The following CRTAC1 variants were observed in gnomAD, a reference collection of about 807,000 sequenced individuals.
CRTAC1 encodes cartilage acidic protein 1.
Under a neutral mutation model 67.8 loss-of-function variants are expected in CRTAC1, and 37 were observed. That is an observed-to-expected ratio of 0.55 (90% CI 0.42 to 0.72). The LOEUF is 0.72. CRTAC1 is among the 30% of genes least tolerant of loss of function. The pLI, the probability that CRTAC1 is intolerant of heterozygous loss-of-function variation, is 0.00. For synonymous variants in CRTAC1, 348 were observed against 371.0 expected (o/e 0.94, Z 0.71); for missense variants, 780 against 931.6 (o/e 0.84, Z 2.12).
intron 2 of CRTAC1, among the ~76,000 whole-genome samples, chr10:97,948,574 G>A (rs896589506): frequency 3.0e-4 from 46 of 152,336 alleles, no homozygotes; most frequent in African/African-American, 1.1e-3. Flanking sequence ...AGGCATCTAG[G>A]CAGGGTGTGC....
chr10:97,911,387 T>C (rs1211969167), intron 5 of CRTAC1, among the ~76,000 whole-genome samples: 1 of 152,252 alleles, frequency 6.6e-6, no homozygotes, highest in East Asian at 1.9e-4. Flanking sequence ...TTGTAACCTG[T>C]AATTACTAGA....
chr10:97,886,073 G>T (rs1319181228), intron 11 of CRTAC1, among the ~76,000 whole-genome samples: 2 of 152,186 alleles, frequency 1.3e-5, no homozygotes, highest in Non-Finnish European at 2.9e-5. Context: ...AGGTTTGGAG[G>T]CCACATGCAG....
At chr10:97,937,728 A>G (rs1224603121) in intron 2 of CRTAC1, among the ~76,000 whole-genome samples, 1 of 152,166 alleles carries the variant, frequency 6.6e-6, no homozygotes, top group Non-Finnish European at 1.5e-5. Context: ...GCCCAAGGTC[A>G]CACCCCAGGC....
At chr10:97,867,892 G>A (rs1231173179) in intron 14 of CRTAC1, 1 of 152,282 alleles carries the variant, frequency 6.6e-6, no homozygotes, top group Admixed American at 6.5e-5. Context: ...GCAGTCTACT[G>A]AAGAGGCAGA....
At chr10:98,024,746 C>CTTTT (rs749919406) in intron 1 of CRTAC1, among the ~76,000 whole-genome samples, 7 of 65,024 alleles carry the variant, frequency 1.1e-4, no homozygotes, top group Non-Finnish European at 1.3e-4. Context: ...TTATATTATC[C>CTTTT]TTTTTTTTTT....
intron 6 of CRTAC1, among the ~76,000 whole-genome samples, chr10:97,906,351 A>G (rs1485089060): frequency 6.6e-6 from 1 of 152,168 alleles, no homozygotes; most frequent in African/African-American, 2.4e-5. Context: ...CTTGACAAGG[A>G]GCTGGTTCCC....
At chr10:98,001,609 T>C (rs889439129) in intron 2 of CRTAC1, among the ~76,000 whole-genome samples, 2 of 151,980 alleles carry the variant, frequency 1.3e-5, no homozygotes, top group Admixed American at 6.5e-5. Context: ...AACTGCATGA[T>C]GGTTAAAAAG....
At chr10:97,940,947 C>A (rs1298592122) in intron 2 of CRTAC1, among the ~76,000 whole-genome samples, 1 of 152,206 alleles carries the variant, frequency 6.6e-6, no homozygotes, top group African/African-American at 2.4e-5. Context: ...TTCCTGTCCC[C>A]AAACATCCCG....
intron 2 of CRTAC1, among the ~76,000 whole-genome samples, chr10:97,961,185 T>A (rs1432057834): frequency 6.6e-6 from 1 of 152,198 alleles, no homozygotes; most frequent in Non-Finnish European, 1.5e-5. Flanking sequence ...TTATTGGTTC[T>A]ACCTGCTTGA....
At chr10:97,973,927 T>C (rs1485967540) in intron 2 of CRTAC1, among the ~76,000 whole-genome samples, 3 of 131,480 alleles carry the variant, frequency 2.3e-5, no homozygotes, top group Non-Finnish European at 1.6e-5. Flanking sequence ...GCACACAGCC[T>C]GGGGAGACAG....
intron 2 of CRTAC1, among the ~76,000 whole-genome samples, chr10:97,969,409 C>T (rs1240418988): frequency 2.0e-5 from 3 of 152,150 alleles, no homozygotes; most frequent in African/African-American, 7.2e-5. Context: ...CACTCCAGCC[C>T]GAGCCTTCCT....
At chr10:97,877,431 T>C (rs974670448) in intron 14 of CRTAC1, among the ~76,000 whole-genome samples, 1 of 146,876 alleles carries the variant, frequency 6.8e-6, no homozygotes, top group African/African-American at 2.7e-5. Flanking sequence ...GCCTAGAGCC[T>C]AGCTCAGTAC....
Position 98,019,787 on chromosome 10 carries a change from C to T in CRTAC1, c.25-8450G>A, listed in dbSNP as rs145258891. 6.5e-3 allele frequency among the ~76,000 whole-genome samples: 986 copies of T among 152,310 alleles called. 9 individuals are homozygous for T. Among genetic ancestry groups the T allele is most frequent in the Non-Finnish European group, 0.011 (738 of 68,022 alleles). On this transcript the variant is annotated intron_variant, in intron 1 of 14. Coordinates refer to ENST00000370597, the MANE Select transcript of CRTAC1 (RefSeq NM_018058.7). The stretch of plus-strand genomic sequence containing the variant: ...GGGCAGGGATAAGGTGTCAGCAAGC[C>T]CCACGGGAGCCTGGCCTGCCAGGCA...
chr10:97,972,213 C>T (rs543546471), intron 2 of CRTAC1, among the ~76,000 whole-genome samples: 1 of 152,258 alleles, frequency 6.6e-6, no homozygotes, highest in South Asian at 2.1e-4. Flanking sequence ...ACTTCCAGAC[C>T]CTGAGCAAAG....
chr10:97,989,376 C>A (rs1397697928), intron 2 of CRTAC1, among the ~76,000 whole-genome samples: 2 of 152,170 alleles, frequency 1.3e-5, no homozygotes, highest in Non-Finnish European at 2.9e-5. Flanking sequence ...ATAGTGTGTA[C>A]TTACACAAAC....
intron 8 of CRTAC1, among the ~76,000 whole-genome samples, chr10:97,900,829 T>C (rs377578109): frequency 2.1e-3 from 141 of 66,864 alleles, no homozygotes; most frequent in Middle Eastern, 0.015. Flanking sequence ...GATTGGACCC[T>C]GTAGCCCCTT....
At chr10:97,938,614 CT>C (rs1198101052) in intron 2 of CRTAC1, among the ~76,000 whole-genome samples, 11 of 152,306 alleles carry the variant, frequency 7.2e-5, no homozygotes, top group African/African-American at 1.9e-4. Context: ...ATTTTTCCCC[CT>C]GGCTGCCTCC....
chr10:98,006,304 C>T (rs527842141), intron 2 of CRTAC1, among the ~76,000 whole-genome samples: 5 of 152,330 alleles, frequency 3.3e-5, no homozygotes, highest in South Asian at 2.1e-4. Context: ...ATGGTCTGTG[C>T]GTGCACGGAA....
intron 1 of CRTAC1, among the ~76,000 whole-genome samples, chr10:98,017,932 C>T (rs1372193816): frequency 1.3e-5 from 2 of 151,858 alleles, no homozygotes; most frequent in Non-Finnish European, 1.5e-5. Flanking sequence ...CATGGTGGCT[C>T]ATGCCTGGAA....
Sources: gnomAD v4.1 joint callset for allele counts (sites outside exome capture counted in the v4.1 genomes callset) on GRCh38, gnomAD v4.1.1 for gene constraint, MANE v1.5 for transcripts, NCBI Gene and HGNC (gene_info 2026-07-23, HGNC 2026-07-21) for gene names.